The following PSMB3 variants were observed in gnomAD, a reference collection of about 807,000 sequenced individuals.
The protein encoded by PSMB3 is proteasome 20S subunit beta 3.
Under a neutral mutation model 23.3 loss-of-function variants are expected in PSMB3, and 5 were observed. The observed-to-expected ratio is 0.21, with a 90% CI of 0.11 to 0.45. PSMB3 has a LOEUF of 0.45. PSMB3 is among the 20% of genes least tolerant of loss of function. PSMB3 has a pLI of 0.99. For missense variants in PSMB3, 192 were observed against 277.9 expected, an observed-to-expected ratio of 0.69 and a Z score of 2.20; for synonymous variants, 85 against 99.8, an observed-to-expected ratio of 0.85 and a Z score of 0.88.
intron 5 of PSMB3, among the ~76,000 whole-genome samples, chr17:38,762,984 A>AG (rs1198474358): frequency 1.3e-5 from 2 of 152,192 alleles, no homozygotes; most frequent in African/African-American, 4.8e-5. Context: ...ATAGAGTAGG[A>AG]GGTATCCTTC....
chr17:38,756,565 G>A (rs1358064497), intron 3 of PSMB3, among the ~76,000 whole-genome samples: 5 of 151,846 alleles, frequency 3.3e-5, no homozygotes, highest in East Asian at 1.9e-4. Context: ...GCGTGATCTC[G>A]GCTCACTGCA....
At chr17:38,761,467 G>A (rs1475605373) in intron 4 of PSMB3, among the ~76,000 whole-genome samples, 1 of 152,072 alleles carries the variant, frequency 6.6e-6, no homozygotes, top group Non-Finnish European at 1.5e-5. Flanking sequence ...GTCGGCTGTC[G>A]TTATTAAGTG....
intron 3 of PSMB3, among the ~76,000 whole-genome samples, chr17:38,758,277 A>C (rs562320119): frequency 6.6e-6 from 1 of 152,216 alleles, no homozygotes; most frequent in African/African-American, 2.4e-5. Context: ...TTTTCAGGTC[A>C]CCTAATGTAT....
At chr17:38,761,720 C>T (rs756144919) in intron 4 of PSMB3, among the ~76,000 whole-genome samples, 1 of 152,148 alleles carries the variant, frequency 6.6e-6, no homozygotes, top group South Asian at 2.1e-4. Flanking sequence ...GAGATGAGAC[C>T]TCAAAGGGCC....
At chr17:38,762,922 C>T (rs1306842188) in intron 5 of PSMB3, among the ~76,000 whole-genome samples, 2 of 152,192 alleles carry the variant, frequency 1.3e-5, no homozygotes, top group African/African-American at 4.8e-5. Context: ...CCCTAAGTGC[C>T]ATCCTCCTTG....
At chr17:38,753,040 G>A in intron 1 of PSMB3, 110 bp from the exon 2 acceptor site, 1 of 1,309,830 alleles carries the variant, frequency 7.6e-7, no homozygotes, top group Non-Finnish European at 1.0e-6. Context: ...GGGTTCAGAC[G>A]CCTCCGGAAT....
In PSMB3 at chr17:38,764,207, T is replaced by A. The variant is rs1174373929; in HGVS notation, c.*40T>A. On this transcript the variant is annotated 3_prime_UTR_variant, in exon 6 of 6. Transcript: ENST00000619426. Reference sequence around the variant, plus strand: ...CCCACTTTTTTTTCTTTTTTTGAAATAAAATAGCCTGTCTTTCACTCCTGC... The same window carrying A: ...CCCACTTTTTTTTCTTTTTTTGAAAAAAAATAGCCTGTCTTTCACTCCTGC... 1 of 1,586,886 alleles carries A rather than the reference T, an allele frequency of 6.3e-7. No homozygotes were observed. Among genetic ancestry groups the A allele is most frequent in the Non-Finnish European group, 8.6e-7 (1 of 1,163,548 alleles).
chr17:38,753,485 T>A, intron 2 of PSMB3, 151 bp downstream of exon 2: 4 of 301,294 alleles, frequency 1.3e-5, no homozygotes, highest in Non-Finnish European at 2.0e-5. Context: ...TTCCCTTTCT[T>A]TTTTTTTTTT....
chr17:38,755,559 A>G (rs558958681), intron 2 of PSMB3, among the ~76,000 whole-genome samples: 499 of 151,132 alleles, frequency 3.3e-3, no homozygotes, highest in Non-Finnish European at 5.9e-3. Context: ...GCAGGAGAAT[A>G]GCGTGAACCC....
chr17:38,762,303 T>C, intron 4 of PSMB3, 108 bp from the exon 5 acceptor site: 2 of 907,926 alleles, frequency 2.2e-6, no homozygotes, highest in South Asian at 3.1e-5. Context: ...TTCAGGCATG[T>C]CTTGGGGCCA....
At chr17:38,763,995 G>C in intron 5 of PSMB3, 124 bp from the exon 6 acceptor site, 2 of 1,004,910 alleles carry the variant, frequency 2.0e-6, no homozygotes, top group Non-Finnish European at 3.1e-6. Flanking sequence ...GAGGCAGCGG[G>C]CAGCTATTTG....
chr17:38,757,544 T>C (rs536523693), intron 3 of PSMB3, among the ~76,000 whole-genome samples: 48 of 151,594 alleles, frequency 3.2e-4, no homozygotes, highest in South Asian at 1.0e-3. Context: ...AGGTCGGGCG[T>C]GGTGGCTCAT....
At chr17:38,753,980 T>A (rs1185212512) in intron 2 of PSMB3, among the ~76,000 whole-genome samples, 1 of 152,142 alleles carries the variant, frequency 6.6e-6, no homozygotes, top group African/African-American at 2.4e-5. Flanking sequence ...ACGTTACATT[T>A]AGCAGTGAGG....
intron 4 of PSMB3, 104 bp downstream of exon 4, chr17:38,760,712 T>A: frequency 1.5e-6 from 2 of 1,335,574 alleles, no homozygotes; most frequent in Non-Finnish European, 2.1e-6. Context: ...ATGGTGCAGG[T>A]GGGAGAGAAA....
intron 4 of PSMB3, 78 bp from the exon 5 acceptor site, chr17:38,762,333 T>G (rs1242066946): frequency 1.6e-6 from 2 of 1,237,386 alleles, no homozygotes; most frequent in African/African-American, 1.5e-5. Context: ...ATCTTGAGCC[T>G]AGAAAAAAGA....
At chr17:38,760,260 C>T in intron 3 of PSMB3, 171 bp from the exon 4 acceptor site, 1 of 614,464 alleles carries the variant, frequency 1.6e-6, no homozygotes, top group Non-Finnish European at 2.8e-6. Flanking sequence ...ATATTTCTAG[C>T]TGGCAGGAGA....
intron 2 of PSMB3, among the ~76,000 whole-genome samples, chr17:38,755,680 A>ATGTGTGTGTGTGTGTG (rs1368083790): frequency 9.7e-6 from 1 of 103,528 alleles, no homozygotes; most frequent in African/African-American, 4.0e-5. Flanking sequence ...ATATATATAT[A>ATGTGTGTGTGTGTGTG]TATGTGTGTG....
At chr17:38,754,433 G>A (rs899397685) in intron 2 of PSMB3, among the ~76,000 whole-genome samples, 3 of 152,150 alleles carry the variant, frequency 2.0e-5, no homozygotes, top group African/African-American at 2.4e-5. Flanking sequence ...TTGTGCCACT[G>A]CACTCTAGCC....
chr17:38,755,635 G>A (rs1908136071), intron 2 of PSMB3, among the ~76,000 whole-genome samples: 1 of 118,448 alleles, frequency 8.4e-6, no homozygotes, highest in Non-Finnish European at 1.7e-5. Flanking sequence ...GGCGACGAGT[G>A]AGACTCCGTC....
Sources: gnomAD v4.1 joint callset for allele counts (sites outside exome capture counted in the v4.1 genomes callset) on GRCh38, gnomAD v4.1.1 for gene constraint, MANE v1.5 for transcripts, NCBI Gene and HGNC (gene_info 2026-07-23, HGNC 2026-07-21) for gene names.